Variants in SNX29 observed in about 807,000 individuals in gnomAD.
The protein encoded by SNX29 is sorting nexin-29.
SNX29 carries 78 observed loss-of-function variants against 102.1 expected under a neutral mutation model. The observed-to-expected ratio is 0.76, with a 90% confidence interval of 0.64 to 0.92. SNX29 has a LOEUF of 0.92. SNX29 is among the 40% of genes least tolerant of loss of function. SNX29 has a pLI of 0.00. For missense variants in SNX29, 1,280 were observed against 1,061.7 expected, an observed-to-expected ratio of 1.21 and a Z score of -2.86; for synonymous variants, 580 against 414.5, an observed-to-expected ratio of 1.40 and a Z score of -4.85.
chr16:12,333,029 G>A (rs2081341552), intron 15 of SNX29, among the ~76,000 whole-genome samples: 1 of 152,076 alleles, frequency 6.6e-6, no homozygotes, highest in Non-Finnish European at 1.5e-5. Flanking sequence ...AGAATGAAGG[G>A]AATGGAGTAT....
rs779952837 is a variant in SNX29 at position 12,042,922 on chromosome 16, G to T, written c.273G>T (p.Lys91Asn). 6.2e-7 allele frequency: 1 copy of T among 1,612,970 alleles called. No homozygotes were observed. The highest frequency in any genetic ancestry group is 1.7e-5 in the Admixed American group (1 of 59,978). ...AGCCCGTGTTCTGGTACTACGTGAA[G>T]GAGGTCCTCAACAAGCACGAGCTGC... Reference protein sequence around the residue: ...ETEPVFWYYVKEVLNKHELQR... With the variant: ...ETEPVFWYYVNEVLNKHELQR... The change falls in exon 5 of 21, where the codon AAG becomes AAT. Residue 91 changes from lysine to asparagine, a missense_variant. Physicochemically the swap from Lys to Asn is moderately conservative, Grantham distance 94. Coordinates refer to ENST00000566228, the MANE Select transcript of SNX29 (RefSeq NM_032167.5).
rs58115165 is a variant in SNX29 at position 12,479,505 on chromosome 16, C to G, written c.2178+1646C>G. 3.1e-3 allele frequency among the ~76,000 whole-genome samples: 474 copies of G among 152,248 alleles called. 6 individuals are homozygous for G. Among genetic ancestry groups the G allele is most frequent in the African/African-American group, 0.011 (445 of 41,538 alleles). Reference sequence around the variant, plus strand: ...TAAACAGTTACAAAGCAGGTTTATCCCAGGCCCAGAATACATTTGTCCTTC... The same window carrying G: ...TAAACAGTTACAAAGCAGGTTTATCGCAGGCCCAGAATACATTTGTCCTTC... On this transcript the variant is annotated intron_variant, in intron 19 of 20. Coordinates refer to ENST00000566228, the MANE Select transcript of SNX29 (RefSeq NM_032167.5).
At chr16:11,984,694 C>T (rs2055538410) in intron 1 of SNX29, among the ~76,000 whole-genome samples, 1 of 152,034 alleles carries the variant, frequency 6.6e-6, no homozygotes, top group South Asian at 2.1e-4. Flanking sequence ...TGCTCTGTTG[C>T]CCAGGCTGGA....
At chr16:12,536,162 C>A (rs2077072856) in intron 20 of SNX29, among the ~76,000 whole-genome samples, 1 of 152,186 alleles carries the variant, frequency 6.6e-6, no homozygotes, top group Non-Finnish European at 1.5e-5. Context: ...GCAGAATCTC[C>A]TGGCTTAGCA....
intron 11 of SNX29, among the ~76,000 whole-genome samples, chr16:12,107,692 G>A (rs571418342): frequency 6.6e-6 from 1 of 152,276 alleles, no homozygotes; most frequent in East Asian, 1.9e-4. Context: ...GGATAGAAGA[G>A]AATCGAGGTG....
At chr16:12,121,950 G>A (rs938667560) in intron 11 of SNX29, among the ~76,000 whole-genome samples, 1 of 152,138 alleles carries the variant, frequency 6.6e-6, no homozygotes, top group African/African-American at 2.4e-5. Context: ...CGAGTACCCA[G>A]GACTACAGGC....
intron 13 of SNX29, among the ~76,000 whole-genome samples, chr16:12,162,370 C>T (rs2055824690): frequency 6.6e-6 from 1 of 152,158 alleles, no homozygotes; most frequent in South Asian, 2.1e-4. Context: ...TCCAGGGCAT[C>T]CACACCCTCC....
At chr16:12,382,014 TTCA>T (rs2083182552) in intron 16 of SNX29, among the ~76,000 whole-genome samples, 1 of 151,836 alleles carries the variant, frequency 6.6e-6, no homozygotes, top group Non-Finnish European at 1.5e-5. Context: ...AGTCATCACG[TTCA>T]TCATGAGGAA....
chr16:12,429,090 AAC>A (rs2085205521), intron 18 of SNX29, among the ~76,000 whole-genome samples: 1 of 152,214 alleles, frequency 6.6e-6, no homozygotes, highest in African/African-American at 2.4e-5. Flanking sequence ...AGTTAATTAC[AAC>A]ACACAGATAC....
chr16:12,272,520 C>T (rs540086715), intron 14 of SNX29, among the ~76,000 whole-genome samples: 6 of 152,214 alleles, frequency 3.9e-5, no homozygotes, highest in Admixed American at 2.6e-4. Context: ...GCCCTGCCGA[C>T]GGGCTCCACT....
In SNX29 at chr16:11,999,378, T is replaced by C; in HGVS notation, c.69+20T>C. The C allele has an allele frequency of 6.2e-7, 1 of 1,613,674 alleles. No homozygotes were observed. The highest frequency in any genetic ancestry group is 1.1e-5 in the South Asian group (1 of 91,034). On this transcript the variant is annotated intron_variant, in intron 2 of 20. Coordinates refer to ENST00000566228, the MANE Select transcript of SNX29 (RefSeq NM_032167.5). ...AAACAGGTAAGCAGAAAGCACACATTTGCCTTTTTGGTCGAGTAATAGTGT... is the reference window on the plus strand; with the variant it reads ...AAACAGGTAAGCAGAAAGCACACATCTGCCTTTTTGGTCGAGTAATAGTGT...
chr16:12,519,306 A>AG lies in SNX29; in HGVS notation c.2179-5391dup, dbSNP rs558906219. Among the ~76,000 whole-genome samples the AG allele has an allele frequency of 1.3e-3, 192 of 152,348 alleles. 1 individual carries two copies. Among genetic ancestry groups the AG allele is most frequent in the African/African-American group, 4.5e-3 (187 of 41,580 alleles). ...AAAAGGTCAGAACCCAGGTGATCGC[A>AG]GGGGGAGTCCAGTCTGAACAGTATT... On this transcript the variant is annotated intron_variant, in intron 19 of 20. Coordinates refer to ENST00000566228, the MANE Select transcript of SNX29 (RefSeq NM_032167.5).
At chr16:12,273,342 GT>G (rs59985462) in intron 14 of SNX29, among the ~76,000 whole-genome samples, 90,897 of 144,944 alleles carry the variant, frequency 0.63, 28,790 homozygotes, top group African/African-American at 0.76. Flanking sequence ...TTTGTTTTTT[GT>G]TTTTTTTTTT....
chr16:12,254,085 A>G (rs1047992527), intron 14 of SNX29, among the ~76,000 whole-genome samples: 1 of 152,140 alleles, frequency 6.6e-6, no homozygotes, highest in Non-Finnish European at 1.5e-5. Context: ...GCTAACCAGG[A>G]TGGGGATGGC....
chr16:12,559,129 C>A (rs1315079618), intron 20 of SNX29, among the ~76,000 whole-genome samples: 6 of 152,120 alleles, frequency 3.9e-5, no homozygotes, highest in Non-Finnish European at 7.4e-5. Flanking sequence ...GCTTGGATCC[C>A]TCTTCTGGTC....
At chr16:12,557,805 C>G (rs1034033603) in intron 20 of SNX29, 3 of 152,208 alleles carry the variant, frequency 2.0e-5, no homozygotes, top group Admixed American at 1.3e-4. Flanking sequence ...GGATCACTAT[C>G]ATATCTGCAG....
chr16:12,100,549 C>T (rs763948507), intron 11 of SNX29, among the ~76,000 whole-genome samples: 8 of 152,020 alleles, frequency 5.3e-5, no homozygotes, highest in South Asian at 2.1e-4. Context: ...GTGTCCAGAT[C>T]GGGCTGTCTG....
chr16:11,995,885 C>A (rs2056052932), intron 1 of SNX29, among the ~76,000 whole-genome samples: 1 of 151,818 alleles, frequency 6.6e-6, no homozygotes, highest in South Asian at 2.1e-4. Flanking sequence ...CATGGTGAAA[C>A]CCTGTCTCTA....
chr16:12,115,886 AC>A (rs2141297015), intron 11 of SNX29, among the ~76,000 whole-genome samples: 1 of 152,158 alleles, frequency 6.6e-6, no homozygotes, highest in Admixed American at 6.5e-5. Context: ...CCTCCACTGC[AC>A]CCCGCAAGAG....
Sources: allele counts gnomAD v4.1 joint callset (sites outside exome capture counted in the v4.1 genomes callset), GRCh38; gene constraint gnomAD v4.1.1; transcripts MANE v1.5; gene names NCBI Gene and HGNC (gene_info 2026-07-23, HGNC 2026-07-21).